POU6F2: variants seen among roughly 807,000 people sequenced by gnomAD.
The protein encoded by POU6F2 is POU domain, class 6, transcription factor 2.
In POU6F2, 31 loss-of-function variants were observed where a neutral mutation model predicts 71.3. The ratio of observed to expected loss-of-function variants is 0.43; its 90% CI spans 0.33 to 0.59. The LOEUF is 0.59. POU6F2 is among the 20% of genes least tolerant of loss of function. POU6F2 has a pLI of 0.04. For synonymous variants in POU6F2, 347 were observed against 355.7 expected (o/e 0.98, Z 0.27); for missense variants, 783 against 856.8 (o/e 0.91, Z 1.07).
At chr7:39,223,575 A>G (rs1248731197) in intron 4 of POU6F2, among the ~76,000 whole-genome samples, 2 of 152,190 alleles carry the variant, frequency 1.3e-5, no homozygotes, top group African/African-American at 2.4e-5. Context: ...TGACTGTTGG[A>G]ATTCAACAGA....
intron 2 of POU6F2, among the ~76,000 whole-genome samples, chr7:39,135,357 T>C (rs1284949923): frequency 6.6e-6 from 1 of 152,216 alleles, no homozygotes; most frequent in African/African-American, 2.4e-5. Flanking sequence ...ATTTACTTTC[T>C]GTGAACCTAA....
intron 2 of POU6F2, among the ~76,000 whole-genome samples, chr7:39,103,324 G>C (rs1320501312): frequency 6.6e-6 from 1 of 152,138 alleles, no homozygotes; most frequent in Non-Finnish European, 1.5e-5. Context: ...GACACTGGGT[G>C]GACAATATGT....
chr7:39,365,958 A>G (rs1172187683), intron 5 of POU6F2, among the ~76,000 whole-genome samples: 2 of 152,238 alleles, frequency 1.3e-5, no homozygotes, highest in Non-Finnish European at 2.9e-5. Context: ...TCAGCTGTGT[A>G]GGTGCAGGCA....
chr7:39,191,344 T>C (rs1215030491), intron 2 of POU6F2, among the ~76,000 whole-genome samples: 6 of 151,886 alleles, frequency 4.0e-5, no homozygotes, highest in Non-Finnish European at 8.8e-5. Flanking sequence ...TATTGGATAC[T>C]TTTTTTTATT....
intron 4 of POU6F2, among the ~76,000 whole-genome samples, chr7:39,276,308 C>T (rs1270147760): frequency 1.3e-5 from 2 of 152,156 alleles, no homozygotes; most frequent in Non-Finnish European, 2.9e-5. Flanking sequence ...AATATGCTCA[C>T]CATCACTGGC....
intron 5 of POU6F2, 161 bp from the exon 6 acceptor site, chr7:39,406,439 A>C: frequency 4.0e-6 from 3 of 743,354 alleles, no homozygotes; most frequent in Non-Finnish European, 6.5e-6. Context: ...CCCCTACCCC[A>C]GAGCTTCCGG....
At chr7:39,452,660 C>T (rs1788688984) in intron 8 of POU6F2, among the ~76,000 whole-genome samples, 1 of 152,206 alleles carries the variant, frequency 6.6e-6, no homozygotes, top group Non-Finnish European at 1.5e-5. Context: ...CCATGACCTC[C>T]CCGACAAGTA....
chr7:39,025,719 C>T (rs1247734931), intron 1 of POU6F2, among the ~76,000 whole-genome samples: 2 of 150,786 alleles, frequency 1.3e-5, no homozygotes, highest in South Asian at 2.2e-4. Context: ...ACACCAAAAG[C>T]AATGGCAACA....
chr7:39,240,877 A>G (rs1230082974), intron 4 of POU6F2, among the ~76,000 whole-genome samples: 1 of 152,148 alleles, frequency 6.6e-6, no homozygotes, highest in East Asian at 1.9e-4. Flanking sequence ...GTCTCATCTC[A>G]TATGTTAAGA....
chr7:39,218,561 T>C (rs1794287900), intron 4 of POU6F2, among the ~76,000 whole-genome samples: 1 of 152,148 alleles, frequency 6.6e-6, no homozygotes, highest in Non-Finnish European at 1.5e-5. Context: ...CTATGAATTG[T>C]GCCCAAAGAT....
chr7:39,187,450 A>G (rs1298909009), intron 2 of POU6F2, among the ~76,000 whole-genome samples: 6 of 152,246 alleles, frequency 3.9e-5, no homozygotes, highest in East Asian at 1.9e-4. Context: ...CCGTGGTGGC[A>G]TGGACAAGTC....
At chr7:39,367,079 C>T (rs997361891) in intron 5 of POU6F2, among the ~76,000 whole-genome samples, 6 of 152,024 alleles carry the variant, frequency 3.9e-5, no homozygotes, top group Non-Finnish European at 8.8e-5. Flanking sequence ...CACAAGAAAG[C>T]TTTGGGGTCC....
At chr7:39,149,181 T>A (rs1430227583) in intron 2 of POU6F2, among the ~76,000 whole-genome samples, 6 of 152,252 alleles carry the variant, frequency 3.9e-5, no homozygotes, top group Middle Eastern at 3.4e-3. Context: ...ACTGTCTCCC[T>A]CGGTACCTCA....
At chr7:39,273,495 T>A (rs1190768672) in intron 4 of POU6F2, among the ~76,000 whole-genome samples, 6 of 152,204 alleles carry the variant, frequency 3.9e-5, no homozygotes, top group African/African-American at 1.4e-4. Context: ...GTAACCTGGC[T>A]AGTACTCCTC....
intron 2 of POU6F2, among the ~76,000 whole-genome samples, chr7:39,086,351 G>T (rs563916600): frequency 3.7e-4 from 57 of 152,272 alleles, no homozygotes; most frequent in African/African-American, 1.3e-3. Context: ...GTGAGAATTG[G>T]TTAACATTTA....
At chr7:39,309,724 C>T (rs1246594848) in intron 4 of POU6F2, among the ~76,000 whole-genome samples, 1 of 152,172 alleles carries the variant, frequency 6.6e-6, no homozygotes, top group African/African-American at 2.4e-5. Context: ...AGGCTTTTAT[C>T]CAACAACTAT....
chr7:39,419,564 T>G (rs7459210), intron 6 of POU6F2, among the ~76,000 whole-genome samples: 10 of 151,804 alleles, frequency 6.6e-5, no homozygotes, highest in African/African-American at 2.4e-4. Flanking sequence ...TTTAATATAT[T>G]GAAGTTTTAT....
chr7:39,372,929 T>G (rs1786642556), intron 5 of POU6F2, among the ~76,000 whole-genome samples: 1 of 152,016 alleles, frequency 6.6e-6, no homozygotes, highest in Non-Finnish European at 1.5e-5. Flanking sequence ...TAATGCCCCC[T>G]AAAAATAAAG....
At chr7:39,047,852 T>G (rs1018525352) in intron 1 of POU6F2, among the ~76,000 whole-genome samples, 2 of 151,972 alleles carry the variant, frequency 1.3e-5, no homozygotes, top group Non-Finnish European at 2.9e-5. Flanking sequence ...CAACTTTGTA[T>G]TCTTAGGTAA....
Sources: allele counts gnomAD v4.1 joint callset (sites outside exome capture counted in the v4.1 genomes callset), GRCh38; gene constraint gnomAD v4.1.1; transcripts MANE v1.5; gene names NCBI Gene and HGNC (gene_info 2026-07-23, HGNC 2026-07-21).